The following ETFDH variants were observed in gnomAD, a reference collection of about 807,000 sequenced individuals.
ETFDH encodes electron transfer flavoprotein dehydrogenase, also known as electron transfer flavoprotein-ubiquinone oxidoreductase, mitochondrial.
Under a neutral mutation model 73.2 loss-of-function variants are expected in ETFDH, and 61 were observed. The observed-to-expected ratio is 0.83, with a 90% CI of 0.68 to 1.03. The LOEUF (loss-of-function observed/expected upper bound fraction) is 1.03, where lower values mean the gene tolerates loss of function less well. Ranked by LOEUF, ETFDH falls within the 50% of genes least tolerant of loss-of-function variation. The pLI is 0.00. For synonymous variants in ETFDH, 243 were observed against 253.3 expected, an observed-to-expected ratio of 0.96 and a Z score of 0.39; for missense variants, 685 against 745.0, an observed-to-expected ratio of 0.92 and a Z score of 0.94.
At position 158,708,827 on chromosome 4, in the gene ETFDH, T is replaced by C; in HGVS notation, c.*300T>C. ...GACTTGCCAAAGTTAAGTAATCAAATATAAAAATGAATATATATTCTAGAC... is the reference window on the plus strand; with the variant it reads ...GACTTGCCAAAGTTAAGTAATCAAACATAAAAATGAATATATATTCTAGAC... On this transcript the variant is annotated 3_prime_UTR_variant, in exon 13 of 13. Coordinates refer to ENST00000511912, the MANE Select transcript of ETFDH (RefSeq NM_004453.4). 6.2e-6 allele frequency: 2 copies of C among 323,276 alleles called. No individual in the cohort carries two copies. Among genetic ancestry groups the C allele is most frequent in the South Asian group, 6.4e-5 (2 of 31,426 alleles). The allele number at this position is 323,276 out of a possible 1,614,324, so 20.0% of individuals were successfully genotyped here.
At chr4:158,678,879 T>G (rs12331506) in intron 1 of ETFDH, among the ~76,000 whole-genome samples, 2,715 of 152,266 alleles carry the variant, frequency 0.018, 83 homozygotes, top group African/African-American at 0.061. Context: ...TAGGAGGATC[T>G]TGAACTCCTG....
Position 158,699,108 on chromosome 4 carries a change from C to G in ETFDH, c.1094C>G (p.Ala365Gly), listed in dbSNP as rs765830852. ...GGKRIAYGAR[A>G]LNEGGFQSIP... The stretch of plus-strand genomic sequence containing the variant: ...AAAAGGATTGCATACGGAGCCAGAG[C>G]TCTCAATGAAGGTGGCTTTCAGGTA... Residue 365 changes from alanine to glycine, a missense_variant, in exon 9 of 13, where the codon GCT becomes GGT. Transcript: ENST00000511912. The G allele has an allele frequency of 1.2e-6, 2 of 1,613,964 alleles. No homozygotes were observed. The highest frequency in any genetic ancestry group is 1.3e-5 in the African/African-American group (1 of 75,042).
At chr4:158,692,446 G>A (rs1774195345) in intron 6 of ETFDH, among the ~76,000 whole-genome samples, 1 of 149,108 alleles carries the variant, frequency 6.7e-6, no homozygotes, top group Admixed American at 6.7e-5. Flanking sequence ...ATCCTGTTTG[G>A]GACTCCTAGT....
rs75369557 is a variant in ETFDH at position 158,704,605 on chromosome 4, A to C, written c.1285+1014A>C. On this transcript the variant is annotated intron_variant, in intron 10 of 12. Coordinates refer to ENST00000511912, the MANE Select transcript of ETFDH (RefSeq NM_004453.4). ...CATTTTCCACCTTTTGGTACATTAT[A>C]TTACTTACTTGTTTATCAACTTTTG... Among the ~76,000 whole-genome samples the C allele has an allele frequency of 5.3e-3, 805 of 152,272 alleles. 4 individuals are homozygous for C. The highest frequency in any genetic ancestry group is 0.018 in the African/African-American group (741 of 41,546).
At chr4:158,674,490 G>A (rs1004149446) in intron 1 of ETFDH, among the ~76,000 whole-genome samples, 4 of 151,984 alleles carry the variant, frequency 2.6e-5, no homozygotes, top group African/African-American at 9.7e-5. Context: ...TAGTAGAGAC[G>A]GGGTTTTGCC....
At chr4:158,672,517 A>G (rs1409374783) in intron 1 of ETFDH, 27 bp downstream of exon 1, 1 of 1,613,318 alleles carries the variant, frequency 6.2e-7, no homozygotes, top group Non-Finnish European at 8.5e-7. Flanking sequence ...GGTGGGGATA[A>G]GTGGAGGAGT....
chr4:158,680,641 T>C, intron 2 of ETFDH, 34 bp downstream of exon 2: 2 of 1,560,638 alleles, frequency 1.3e-6, no homozygotes, highest in Non-Finnish European at 8.8e-7. Flanking sequence ...TCCTGAGACT[T>C]TTCTGGATAC....
chr4:158,677,174 GAAGAGATTAA>G (rs1240618911), intron 1 of ETFDH, among the ~76,000 whole-genome samples: 1 of 152,188 alleles, frequency 6.6e-6, no homozygotes, highest in Non-Finnish European at 1.5e-5. Context: ...TAAACTATTT[GAAGAGATTAA>G]TTCTGAGCCA....
In ETFDH at chr4:158,690,485, G is replaced by C. The variant is rs1001089564; in HGVS notation, c.684+60G>C. ...CGACAAACAACAGAAAGAACTGTGT[G>C]GGCATCAAAGTGAAACCCCATCTCT... On this transcript the variant is annotated intron_variant, in intron 6 of 12. Coordinates refer to ENST00000511912, the MANE Select transcript of ETFDH (RefSeq NM_004453.4). 4.9e-6 allele frequency: 5 copies of C among 1,011,032 alleles called. No individual in the cohort carries two copies. The African/African-American group carries it at 6.3e-5, about 13-fold the overall frequency. The allele number at this position is 1,011,032 out of a possible 1,614,324, so 62.6% of individuals were successfully genotyped here.
rs776613344 is a variant in ETFDH at position 158,708,494 on chromosome 4, A to G, written c.1821A>G (p.Glu607=). The G allele has an allele frequency of 6.2e-7, 1 of 1,613,736 alleles. No individual in the cohort carries two copies. Among genetic ancestry groups the G allele is most frequent in the Non-Finnish European group, 8.5e-7 (1 of 1,179,656 alleles). ...PSQNINWVVP[E]GGGGPAYNGM ...AGAATATTAACTGGGTGGTACCTGA[A>G]GGTGGAGGAGGACCTGCTTACAATG... The change falls in exon 13 of 13, where the codon GAA becomes GAG. Residue 607 remains glutamate (E), a synonymous_variant. Transcript: ENST00000511912.
At chr4:158,702,114 A>G (rs544389533) in intron 9 of ETFDH, among the ~76,000 whole-genome samples, 178 of 151,962 alleles carry the variant, frequency 1.2e-3, no homozygotes, top group African/African-American at 4.0e-3. Flanking sequence ...ATCCTTTGTA[A>G]GTCTTGTATT....
intron 1 of ETFDH, among the ~76,000 whole-genome samples, chr4:158,678,566 C>T (rs1049193176): frequency 2.0e-5 from 3 of 152,004 alleles, no homozygotes; most frequent in Non-Finnish European, 4.4e-5. Context: ...ACTTTCCATT[C>T]TCTACTTGTT....
intron 3 of ETFDH, among the ~76,000 whole-genome samples, chr4:158,683,040 C>T (rs571105708): frequency 6.6e-6 from 1 of 152,194 alleles, no homozygotes; most frequent in African/African-American, 2.4e-5. Flanking sequence ...TAAACTTGTT[C>T]TTTAAGTCTT....
intron 6 of ETFDH, 111 bp from the exon 7 acceptor site, chr4:158,695,386 A>G: frequency 4.1e-6 from 3 of 734,482 alleles, no homozygotes; most frequent in Non-Finnish European, 6.9e-6. Context: ...AATATTATAC[A>G]TTTGCACTGT....
chr4:158,699,464 G>A (rs1580415980), intron 9 of ETFDH, among the ~76,000 whole-genome samples: 1 of 152,162 alleles, frequency 6.6e-6, no homozygotes, highest in Admixed American at 6.5e-5. Flanking sequence ...CAGCTACTCA[G>A]GAGGCTGAGA....
chr4:158,677,265 A>G (rs1773733306), intron 1 of ETFDH, among the ~76,000 whole-genome samples: 1 of 152,240 alleles, frequency 6.6e-6, no homozygotes, highest in Non-Finnish European at 1.5e-5. Flanking sequence ...TGGCTGGGTT[A>G]CAGCTTGATT....
intron 3 of ETFDH, among the ~76,000 whole-genome samples, chr4:158,684,082 T>C (rs1773936599): frequency 6.6e-6 from 1 of 151,998 alleles, no homozygotes; most frequent in Admixed American, 6.6e-5. Context: ...GATGCAAAAC[T>C]GGCAAGAGGT....
At position 158,680,592 on chromosome 4, in the gene ETFDH, G is replaced by T; in HGVS notation, c.160G>T (p.Asp54Tyr). Residue 54 changes from aspartate (D) to tyrosine (Y), a missense_variant, in exon 2 of 13, where the codon GAC becomes TAC. Physicochemically the swap from Asp to Tyr is radical, Grantham distance 160. This residue lies in a region of ETFDH where 405 missense variants were observed against 399.3 expected (regional missense o/e 1.01). Transcript: ENST00000511912. ...THYTIYPRDKDKRWEGVNMER... is the reference protein window; with the variant it reads ...THYTIYPRDKYKRWEGVNMER... ...TTATACTATTTATCCCCGGGATAAG[G>T]ACAAGAGATGGGAAGGTAAGTAATA... 1 of 1,610,760 alleles carries T rather than the reference G, an allele frequency of 6.2e-7. No individual in the cohort carries two copies. Among genetic ancestry groups the T allele is most frequent in the Non-Finnish European group, 8.5e-7 (1 of 1,177,042 alleles).
At chr4:158,680,707 TA>T in intron 2 of ETFDH, 100 bp downstream of exon 2, 1 of 1,049,174 alleles carries the variant, frequency 9.5e-7, no homozygotes, top group Non-Finnish European at 1.5e-6. Context: ...TAAAAACATC[TA>T]ATAATATTTT....
Sources: allele counts gnomAD v4.1 joint callset (sites outside exome capture counted in the v4.1 genomes callset), GRCh38; gene constraint gnomAD v4.1.1; regional missense constraint gnomAD v4.1.1; transcripts MANE v1.5; gene names NCBI Gene and HGNC (gene_info 2026-07-23, HGNC 2026-07-21).